Variants in MAN2A1 observed in about 807,000 individuals in gnomAD.
MAN2A1 encodes the protein mannosidase alpha class 2A member 1, also known as alpha-mannosidase 2.
MAN2A1 carries 76 observed loss-of-function variants against 142.6 expected under a neutral mutation model. That is an observed-to-expected ratio of 0.53 (90% CI 0.44 to 0.65). MAN2A1 has a LOEUF of 0.65. MAN2A1 is among the 30% of genes least tolerant of loss of function. MAN2A1 has a pLI of 0.00. For synonymous variants in MAN2A1, 559 were observed against 473.2 expected, an observed-to-expected ratio of 1.18 and a Z score of -2.35; for missense variants, 1,311 against 1,365.1, an observed-to-expected ratio of 0.96 and a Z score of 0.62.
At chr5:109,761,339 G>A (rs17162169) in intron 5 of MAN2A1, among the ~76,000 whole-genome samples, 12,835 of 151,574 alleles carry the variant, frequency 0.085, 649 homozygotes, top group African/African-American at 0.15. Flanking sequence ...TCTGTATTAA[G>A]TATCATATTA....
At chr5:109,731,541 GTGA>G (rs1158503949) in intron 4 of MAN2A1, among the ~76,000 whole-genome samples, 1 of 118,290 alleles carries the variant, frequency 8.5e-6, no homozygotes. Flanking sequence ...TCCCCAGAGT[GTGA>G]TGTTCCCCTT....
intron 1 of MAN2A1, among the ~76,000 whole-genome samples, chr5:109,691,895 G>A (rs1003151555): frequency 6.6e-6 from 1 of 152,084 alleles, no homozygotes; most frequent in Non-Finnish European, 1.5e-5. Context: ...GAAAACAGTT[G>A]GAAAAAGGTA....
At chr5:109,852,145 A>AG (rs781673194) in intron 19 of MAN2A1, among the ~76,000 whole-genome samples, 1 of 28,362 alleles carries the variant, frequency 3.5e-5, no homozygotes, top group Non-Finnish European at 7.1e-5. Flanking sequence ...GCTTAAAAAC[A>AG]AAAAAAAAAA....
intron 1 of MAN2A1, among the ~76,000 whole-genome samples, chr5:109,701,251 G>C (rs1750974187): frequency 6.6e-6 from 1 of 152,192 alleles, no homozygotes; most frequent in Non-Finnish European, 1.5e-5. Flanking sequence ...CTAAAGGAGA[G>C]GGTAAAGAAG....
At position 109,856,058 on chromosome 5, in the gene MAN2A1, G is replaced by T. The variant is rs76702156; in HGVS notation, c.3171+724G>T. ...ATGCTCATGTTTAAAGACAATATAA[G>T]AGGTGAGAAATGTTTAATGTAGAAC... On this transcript the variant is annotated intron_variant, in intron 20 of 21. Coordinates refer to ENST00000261483, the MANE Select transcript of MAN2A1 (RefSeq NM_002372.4). Among the ~76,000 whole-genome samples, 1,246 of 152,194 alleles carry T rather than the reference G, an allele frequency of 8.2e-3. 25 individuals are homozygous for T. The highest frequency in any genetic ancestry group is 0.028 in the African/African-American group (1,156 of 41,532).
chr5:109,773,303 G>A (rs1284805812), intron 7 of MAN2A1, among the ~76,000 whole-genome samples: 2 of 152,134 alleles, frequency 1.3e-5, no homozygotes, highest in African/African-American at 2.4e-5. Flanking sequence ...TGCCATTAAC[G>A]TTTGTGATTT....
intron 12 of MAN2A1, among the ~76,000 whole-genome samples, chr5:109,808,775 C>T (rs534791480): frequency 4.1e-4 from 61 of 149,166 alleles, no homozygotes; most frequent in African/African-American, 1.4e-3. Context: ...ACAGTCTCGG[C>T]TCACTGTAAC....
chr5:109,837,130 G>A (rs975597450), intron 16 of MAN2A1, among the ~76,000 whole-genome samples: 30 of 148,932 alleles, frequency 2.0e-4, no homozygotes, highest in African/African-American at 7.2e-4. Flanking sequence ...GAACATGCTG[G>A]TGTGTGCCTC....
At chr5:109,699,661 A>G (rs1480587974) in intron 1 of MAN2A1, 1 of 153,460 alleles carries the variant, frequency 6.5e-6, no homozygotes, top group Non-Finnish European at 1.5e-5. Context: ...TTGACCGAAG[A>G]CCCGTCCTCC....
At position 109,855,263 on chromosome 5, in the gene MAN2A1, G is replaced by A. The variant is rs1412772777; in HGVS notation, c.3100G>A (p.Glu1034Lys). The A allele has an allele frequency of 6.2e-7, 1 of 1,607,126 alleles. No individual in the cohort carries two copies. The highest frequency in any genetic ancestry group is 1.7e-5 in the Admixed American group (1 of 59,122). Reference protein sequence around the residue: ...FSSPTLELQGEFSPLQSSLPC... With the variant: ...FSSPTLELQGKFSPLQSSLPC... ...CTCACCTACCCTTGAGCTGCAAGGTGAATTCTCTCCATTACAGTCATCTTT... is the reference window on the plus strand; with the variant it reads ...CTCACCTACCCTTGAGCTGCAAGGTAAATTCTCTCCATTACAGTCATCTTT... The change falls in exon 20 of 22, where the codon GAA becomes AAA. Residue 1034 changes from glutamate (E) to lysine (K), a missense_variant. Physicochemically the swap from Glu to Lys is moderately conservative, Grantham distance 56. Transcript: ENST00000261483.
chr5:109,815,553 C>G (rs889763705), intron 12 of MAN2A1, among the ~76,000 whole-genome samples: 2 of 152,134 alleles, frequency 1.3e-5, no homozygotes, highest in Non-Finnish European at 2.9e-5. Context: ...GTCATTATCA[C>G]CTTTGGTATC....
chr5:109,828,489 A>C (rs1754818899), intron 16 of MAN2A1, among the ~76,000 whole-genome samples: 2 of 152,224 alleles, frequency 1.3e-5, no homozygotes, highest in Admixed American at 1.3e-4. Context: ...TGACATTGTT[A>C]ACTGTGGCCT....
chr5:109,847,334 T>C (rs1325330165), intron 18 of MAN2A1, among the ~76,000 whole-genome samples: 3 of 152,326 alleles, frequency 2.0e-5, no homozygotes, highest in African/African-American at 4.8e-5. Flanking sequence ...GAGAACTTAA[T>C]TTACTCTTTA....
intron 12 of MAN2A1, among the ~76,000 whole-genome samples, chr5:109,812,119 T>A (rs1754336290): frequency 6.6e-6 from 1 of 152,194 alleles, no homozygotes; most frequent in Admixed American, 6.5e-5. Flanking sequence ...GATTCTTTTT[T>A]TGTGCTTGGT....
At chr5:109,808,717 T>C (rs1754238578) in intron 12 of MAN2A1, among the ~76,000 whole-genome samples, 3 of 150,836 alleles carry the variant, frequency 2.0e-5, no homozygotes, top group African/African-American at 7.3e-5. Context: ...TTTTTTTTTT[T>C]TTTTGAGACA....
At chr5:109,852,157 A>C (rs950687362) in intron 19 of MAN2A1, among the ~76,000 whole-genome samples, 1 of 150,680 alleles carries the variant, frequency 6.6e-6, no homozygotes, top group Non-Finnish European at 1.5e-5. Context: ...AAAAAAAAAA[A>C]CATTTTAATA....
At chr5:109,771,262 A>T (rs1411149193) in intron 7 of MAN2A1, among the ~76,000 whole-genome samples, 3 of 152,222 alleles carry the variant, frequency 2.0e-5, no homozygotes, top group Non-Finnish European at 2.9e-5. Context: ...ATATAAAAAC[A>T]CTAAACTCTG....
At position 109,778,494 on chromosome 5, in the gene MAN2A1, T is replaced by A. The variant is rs916415764; in HGVS notation, c.1375-2902T>A. ...GCTGTAGAATTTTGTAGATTCCCTT[T>A]ATCAGATTATGGAATTTTCCTTATA... On this transcript the variant is annotated intron_variant, in intron 8 of 21. Coordinates refer to ENST00000261483, the MANE Select transcript of MAN2A1 (RefSeq NM_002372.4). Among the ~76,000 whole-genome samples the A allele has an allele frequency of 9.2e-4, 140 of 152,230 alleles. 1 individual carries two copies. The highest frequency in any genetic ancestry group is 3.2e-3 in the African/African-American group (135 of 41,580).
intron 1 of MAN2A1, among the ~76,000 whole-genome samples, chr5:109,705,223 T>C (rs1443208095): frequency 2.6e-5 from 4 of 152,188 alleles, no homozygotes; most frequent in Admixed American, 2.6e-4. Context: ...CCATGGCTTT[T>C]ACCTGGCAAA....
Sources: gnomAD v4.1 joint callset for allele counts (sites outside exome capture counted in the v4.1 genomes callset) on GRCh38, gnomAD v4.1.1 for gene constraint, MANE v1.5 for transcripts, NCBI Gene and HGNC (gene_info 2026-07-23, HGNC 2026-07-21) for gene names.